Variants in ASS1 observed in about 807,000 individuals in gnomAD.
ASS1 encodes the protein argininosuccinate synthase.
Under a neutral mutation model 60.5 loss-of-function variants are expected in ASS1, and 58 were observed. That is an observed-to-expected ratio of 0.96 (90% CI 0.78 to 1.19). The LOEUF (loss-of-function observed/expected upper bound fraction) is 1.19, where lower values mean the gene tolerates loss of function less well. Among genes scored for constraint, ASS1 ranks in the 50% most tolerant of loss-of-function variants. The pLI, the probability that ASS1 is intolerant of heterozygous loss-of-function variation, is 0.00. For synonymous variants in ASS1, 200 were observed against 206.9 expected (o/e 0.97, Z 0.29); for missense variants, 454 against 547.3 (o/e 0.83, Z 1.70).
intron 5 of ASS1, among the ~76,000 whole-genome samples, chr9:130,464,455 G>A (rs978210372): frequency 6.6e-6 from 1 of 152,178 alleles, no homozygotes; most frequent in Non-Finnish European, 1.5e-5. Flanking sequence ...GGCATCCCAG[G>A]TGTGGGCAGG....
chr9:130,449,783 A>G (rs983010073), intron 1 of ASS1, among the ~76,000 whole-genome samples: 16 of 152,130 alleles, frequency 1.1e-4, no homozygotes, highest in African/African-American at 3.9e-4. Context: ...TATTCCCTTG[A>G]TTGTGGTGTT....
At chr9:130,448,422 G>GCACACACACACACA (rs3085579) in intron 1 of ASS1, among the ~76,000 whole-genome samples, 4 of 143,296 alleles carry the variant, frequency 2.8e-5, no homozygotes, top group African/African-American at 1.1e-4. Flanking sequence ...GTGTGCGCGC[G>GCACACACACACACA]CACACACACA....
intron 13 of ASS1, among the ~76,000 whole-genome samples, 164 bp downstream of exon 13, chr9:130,495,187 G>A (rs373414982): frequency 1.3e-5 from 2 of 152,148 alleles, no homozygotes; most frequent in South Asian, 2.1e-4. Context: ...GGAACTTACA[G>A]GCTAGCTGGG....
chr9:130,469,402 C>T (rs1311896308), intron 6 of ASS1, among the ~76,000 whole-genome samples: 5 of 151,794 alleles, frequency 3.3e-5, no homozygotes, highest in African/African-American at 4.8e-5. Flanking sequence ...GTGATTTTTT[C>T]TTTCTCTTCT....
chr9:130,454,475 C>A, intron 3 of ASS1, 102 bp downstream of exon 3: 1 of 1,232,478 alleles, frequency 8.1e-7, no homozygotes, highest in Non-Finnish European at 1.2e-6. Context: ...TCCAGTGTGT[C>A]TTCTTGCTTC....
At chr9:130,495,167 A>C in intron 13 of ASS1, 144 bp downstream of exon 13, 5 of 1,181,588 alleles carry the variant, frequency 4.2e-6, no homozygotes, top group African/African-American at 1.5e-5. Context: ...AGACACCACT[A>C]TGCTCCCGTG....
chr9:130,494,928 A>G lies in ASS1; in HGVS notation c.1032A>G (p.Arg344=), dbSNP rs1453546728. 2 of 1,613,528 alleles carry G rather than the reference A, an allele frequency of 1.2e-6. No homozygotes were observed. The highest frequency in any genetic ancestry group is 2.2e-5 in the South Asian group (2 of 91,054). Residue 344 remains arginine, a synonymous_variant, in exon 13 of 15, where the codon CGA becomes CGG. Transcript: ENST00000352480. The surrounding 1 kb of genome is among the most constrained non-coding windows in gnomAD (Gnocchi z 4.3). ...VRHCIAKSQE[R]VEGKVQVSVL... is the part of the protein sequence containing the mutation. ...ACTGCATCGCCAAGTCCCAGGAGCG[A>G]GTGGAAGGGAAAGTGCAGGTGTCCG...
intron 1 of ASS1, 199 bp from the exon 2 acceptor site, chr9:130,452,025 T>A: frequency 1.5e-6 from 1 of 685,738 alleles, no homozygotes; most frequent in Non-Finnish European, 2.7e-6. Context: ...TCTGTGGGGC[T>A]GTGTGCAGAG....
Position 130,470,691 on chromosome 9 carries a change from G to A in ASS1, c.496-143G>A, listed in dbSNP as rs1564151257. ...ATAGGGTCCCCCCAGGGAGGTGACCGTGACCAACACTAGGAGGTAGCCAGG... is the reference window on the plus strand; with the variant it reads ...ATAGGGTCCCCCCAGGGAGGTGACCATGACCAACACTAGGAGGTAGCCAGG... On this transcript the variant is annotated intron_variant, in intron 6 of 14. Transcript: ENST00000352480. The surrounding 1 kb of genome is among the most constrained non-coding windows in gnomAD (Gnocchi z 4.3). The A allele has an allele frequency of 1.7e-5, 14 of 839,964 alleles. No individual in the cohort carries two copies. Among genetic ancestry groups the A allele is most frequent in the Middle Eastern group, 2.2e-4 (1 of 4,572 alleles). The allele number at this position is 839,964 out of a possible 1,614,324, so 52.0% of individuals were successfully genotyped here.
At chr9:130,469,796 C>T (rs1845826097) in intron 6 of ASS1, among the ~76,000 whole-genome samples, 1 of 152,202 alleles carries the variant, frequency 6.6e-6, no homozygotes, top group African/African-American at 2.4e-5. Flanking sequence ...TCTAGAATCT[C>T]ACCATCTTGG....
At chr9:130,467,774 GTT>G (rs949128080) in intron 6 of ASS1, among the ~76,000 whole-genome samples, 2 of 152,178 alleles carry the variant, frequency 1.3e-5, no homozygotes, top group African/African-American at 4.8e-5. Flanking sequence ...TATGAAGCGT[GTT>G]TCATCTTTAA....
At position 130,477,088 on chromosome 9, in the gene ASS1, C is replaced by A. The variant is rs1846041452; in HGVS notation, c.688+127C>A. The stretch of plus-strand genomic sequence containing the variant: ...GCATTCCTGGAAGCTAGAGTTCAGG[C>A]AGGGGCTTCAAGGTAACGCACAGCC... On this transcript the variant is annotated intron_variant, in intron 9 of 14. Coordinates refer to ENST00000352480, the MANE Select transcript of ASS1 (RefSeq NM_054012.4). The surrounding 1 kb of genome is among the most constrained non-coding windows in gnomAD (Gnocchi z 4.2). 1 of 1,017,986 alleles carries A rather than the reference C, an allele frequency of 9.8e-7. No individual in the cohort carries two copies. The highest frequency in any genetic ancestry group is 1.5e-6 in the Non-Finnish European group (1 of 668,694). 63.1% of individuals were successfully genotyped at this position (1,017,986 alleles called of 1,614,324 possible). A position where few individuals can be genotyped will look rare whatever the true frequency, so the allele number is the denominator to read the frequency against.
intron 13 of ASS1, among the ~76,000 whole-genome samples, chr9:130,496,989 C>T (rs980873538): frequency 1.7e-4 from 26 of 152,362 alleles, no homozygotes; most frequent in African/African-American, 4.3e-4. Context: ...TTTCCCTTCT[C>T]CTTGCCATGT....
Position 130,489,536 on chromosome 9 carries a change from G to A in ASS1, c.970+72G>A. 4 of 1,609,510 alleles carry A rather than the reference G, an allele frequency of 2.5e-6. No individual in the cohort carries two copies. Among genetic ancestry groups the A allele is most frequent in the Non-Finnish European group, 2.5e-6 (3 of 1,177,552 alleles). On this transcript the variant is annotated intron_variant, in intron 12 of 14. Coordinates refer to ENST00000352480, the MANE Select transcript of ASS1 (RefSeq NM_054012.4). This position sits in a 1 kb window ranked among gnomAD's most constrained non-coding sequence, Gnocchi z 4.1. ...TCCCAAAGTACTATCAGGCTCTCGGGCCTGGCCCTCCCCTCCGTATCAGCA... is the reference window on the plus strand; with the variant it reads ...TCCCAAAGTACTATCAGGCTCTCGGACCTGGCCCTCCCCTCCGTATCAGCA...
intron 11 of ASS1, among the ~76,000 whole-genome samples, chr9:130,480,825 T>C (rs940637054): frequency 3.9e-5 from 6 of 152,174 alleles, no homozygotes; most frequent in African/African-American, 1.4e-4. Context: ...TAAGGCCGCA[T>C]GGAGGCCGCC....
chr9:130,489,189 G>T lies in ASS1; in HGVS notation c.839-144G>T. ...TGACAGATGCATTTTGCAGCAAGCT[G>T]GGAGTGAATGGGTCCGGCCGGCTTG... On this transcript the variant is annotated intron_variant, in intron 11 of 14. Transcript: ENST00000352480. This position sits in a 1 kb window ranked among gnomAD's most constrained non-coding sequence, Gnocchi z 4.1. 1.8e-6 allele frequency: 2 copies of T among 1,104,504 alleles called. No homozygotes were observed. Among genetic ancestry groups the T allele is most frequent in the Non-Finnish European group, 2.6e-6 (2 of 765,956 alleles). The allele number at this position is 1,104,504 out of a possible 1,614,324, so 68.4% of individuals were successfully genotyped here.
rs2118829032 is a variant in ASS1 at position 130,476,020 on chromosome 9, A to G, written c.598-851A>G. Among the ~76,000 whole-genome samples, 1 of 152,254 alleles carries G rather than the reference A, an allele frequency of 6.6e-6. No individual in the cohort carries two copies. The highest frequency in any genetic ancestry group is 1.5e-5 in the Non-Finnish European group (1 of 68,010). ...GCAGTCCACCCACCTCAGCCTCCCA[A>G]AGTGCTAGGATTACAGGTGTGAGCC... is the stretch of plus-strand genomic sequence containing the variant. On this transcript the variant is annotated intron_variant, in intron 8 of 14. Coordinates refer to ENST00000352480, the MANE Select transcript of ASS1 (RefSeq NM_054012.4). The surrounding 1 kb of genome is among the most constrained non-coding windows in gnomAD (Gnocchi z 4.9).
chr9:130,480,302 C>T, intron 10 of ASS1, 83 bp from the exon 11 acceptor site: 1 of 1,490,392 alleles, frequency 6.7e-7, no homozygotes, highest in Middle Eastern at 1.7e-4. Flanking sequence ...CTAAGCTGTG[C>T]CCACCCTGGG....
rs2118835756 is a variant in ASS1, at chr9:130,478,316, C to A, written c.688+1355C>A. 6.6e-6 allele frequency among the ~76,000 whole-genome samples: 1 copy of A among 152,274 alleles called. No individual in the cohort carries two copies. Among genetic ancestry groups the A allele is most frequent in the Non-Finnish European group, 1.5e-5 (1 of 68,020 alleles). On this transcript the variant is annotated intron_variant, in intron 9 of 14. Transcript: ENST00000352480. This position sits in a 1 kb window ranked among gnomAD's most constrained non-coding sequence, Gnocchi z 4.7. The stretch of plus-strand genomic sequence containing the variant: ...AAGATGGTGGGAGTGGCCCCAGCAG[C>A]ACCTCCTGGCTCCCTGCACAGGGCT...
Sources: allele counts gnomAD v4.1 joint callset (sites outside exome capture counted in the v4.1 genomes callset), GRCh38; gene constraint gnomAD v4.1.1; non-coding constraint Gnocchi (gnomAD v3.1); transcripts MANE v1.5; gene names NCBI Gene and HGNC (gene_info 2026-07-23, HGNC 2026-07-21).